The following ATP8B4 variants were observed in gnomAD, a reference collection of about 807,000 sequenced individuals.
ATP8B4 encodes ATPase phospholipid transporting 8B4 (putative), also known as probable phospholipid-transporting ATPase IM.
ATP8B4 carries 133 observed loss-of-function variants against 145.6 expected under a neutral mutation model. That is an observed-to-expected ratio of 0.91 (90% CI 0.79 to 1.05). The LOEUF is 1.05. Among genes scored for constraint, ATP8B4 ranks in the 50% least tolerant of loss-of-function variants. The pLI, the probability that ATP8B4 is intolerant of heterozygous loss-of-function variation, is 0.00. For synonymous variants in ATP8B4, 507 were observed against 492.9 expected, an observed-to-expected ratio of 1.03 and a Z score of -0.38; for missense variants, 1,458 against 1,425.2, an observed-to-expected ratio of 1.02 and a Z score of -0.37.
At chr15:50,014,375 A>G (rs1218719435) in intron 6 of ATP8B4, among the ~76,000 whole-genome samples, 1 of 152,180 alleles carries the variant, frequency 6.6e-6, no homozygotes, top group Non-Finnish European at 1.5e-5. Flanking sequence ...CCTAGTTCAC[A>G]GCAGGCACTC....
At chr15:50,070,733 GT>G (rs1489927450) in intron 3 of ATP8B4, among the ~76,000 whole-genome samples, 4 of 151,884 alleles carry the variant, frequency 2.6e-5, no homozygotes, top group African/African-American at 9.7e-5. Flanking sequence ...TTTGTGTTGT[GT>G]TTTGTTTTGT....
chr15:50,085,884 T>C (rs1231365525), intron 2 of ATP8B4, among the ~76,000 whole-genome samples: 1 of 83,524 alleles, frequency 1.2e-5, no homozygotes, highest in Non-Finnish European at 2.5e-5. Flanking sequence ...TATTTATATA[T>C]TTATATATGA....
At chr15:50,162,238 C>T (rs1256904863) in intron 1 of ATP8B4, among the ~76,000 whole-genome samples, 2 of 151,836 alleles carry the variant, frequency 1.3e-5, no homozygotes, top group Non-Finnish European at 2.9e-5. Context: ...CTGATTATTA[C>T]ATGCCTTGAG....
chr15:49,918,897 T>G lies in ATP8B4; in HGVS notation c.1977A>C (p.Thr659=). The G allele has an allele frequency of 6.2e-7, 1 of 1,613,878 alleles. No homozygotes were observed. Among genetic ancestry groups the G allele is most frequent in the Non-Finnish European group, 8.5e-7 (1 of 1,179,820 alleles). Residue 659 remains threonine (T), a synonymous_variant, in exon 19 of 28, where the codon ACA becomes ACC. Transcript: ENST00000284509. Reference sequence around the variant, plus strand: ...TATTGGCTAGTGATAAACTTGTAACTGTTTCAATAACACCCTCCTGTAACT... The same window carrying G: ...TATTGGCTAGTGATAAACTTGTAACGGTTTCAATAACACCCTCCTGTAACT... ...EDKLQEGVIE[T]VTSLSLANIK...
intron 6 of ATP8B4, among the ~76,000 whole-genome samples, chr15:50,017,386 C>T (rs989653573): frequency 6.6e-6 from 1 of 152,006 alleles, no homozygotes; most frequent in Non-Finnish European, 1.5e-5. Flanking sequence ...CACCTTAGCC[C>T]AAGTAGATCA....
intron 6 of ATP8B4, among the ~76,000 whole-genome samples, chr15:50,018,410 G>C (rs2049268283): frequency 6.6e-6 from 1 of 152,186 alleles, no homozygotes; most frequent in Non-Finnish European, 1.5e-5. Context: ...CTGAGTGTCA[G>C]AGCTGCAAGT....
At chr15:50,012,573 T>C (rs990446919) in intron 6 of ATP8B4, among the ~76,000 whole-genome samples, 1 of 152,132 alleles carries the variant, frequency 6.6e-6, no homozygotes, top group South Asian at 2.1e-4. Flanking sequence ...TTCAGGTTTG[T>C]GGACAGAACC....
chr15:50,148,564 C>A (rs1051336711), intron 1 of ATP8B4, among the ~76,000 whole-genome samples: 1 of 152,158 alleles, frequency 6.6e-6, no homozygotes, highest in Non-Finnish European at 1.5e-5. Context: ...CGTGAGGACA[C>A]AGCATTCCTT....
intron 1 of ATP8B4, among the ~76,000 whole-genome samples, chr15:50,138,466 T>C (rs74015209): frequency 0.052 from 7,923 of 151,618 alleles, 720 homozygotes; most frequent in African/African-American, 0.18. Context: ...GATAGACAGA[T>C]AGATAGACAG....
chr15:50,181,350 C>T (rs2044844605), intron 1 of ATP8B4, among the ~76,000 whole-genome samples: 2 of 152,176 alleles, frequency 1.3e-5, no homozygotes, highest in South Asian at 4.1e-4. Flanking sequence ...TTCACATTTC[C>T]TCTAAAAGAA....
intron 2 of ATP8B4, among the ~76,000 whole-genome samples, chr15:50,094,688 ATGTGTGTGTGTATATATATACTAC>A (rs2055847394): frequency 7.3e-6 from 1 of 136,392 alleles, no homozygotes; most frequent in East Asian, 2.0e-4. Context: ...ATTTGTATAT[ATGTGTGTGTGTATATATATACTAC>A]TATATATATA....
chr15:50,089,268 G>A (rs867206870), intron 2 of ATP8B4, among the ~76,000 whole-genome samples: 4 of 151,984 alleles, frequency 2.6e-5, no homozygotes, highest in African/African-American at 4.8e-5. Context: ...AAAAGTAAAA[G>A]TTGACAAATG....
At chr15:50,144,356 A>C (rs943251862) in intron 1 of ATP8B4, among the ~76,000 whole-genome samples, 4 of 152,214 alleles carry the variant, frequency 2.6e-5, no homozygotes, top group African/African-American at 9.6e-5. Flanking sequence ...GCTGTAAAGA[A>C]ATACCTGAGA....
intron 14 of ATP8B4, among the ~76,000 whole-genome samples, chr15:49,956,139 A>G (rs2043538918): frequency 6.6e-6 from 1 of 152,196 alleles, no homozygotes; most frequent in African/African-American, 2.4e-5. Flanking sequence ...TTAAAAGTTT[A>G]TGACTCAAGT....
rs567790098 is a variant in ATP8B4 at position 50,054,884 on chromosome 15, A to G, written c.88-7420T>C. On this transcript the variant is annotated intron_variant, in intron 3 of 27. Coordinates refer to ENST00000284509, the MANE Select transcript of ATP8B4 (RefSeq NM_024837.4). Reference sequence around the variant, plus strand: ...CGACACATGTAATATTCCTTTGACTATTTCCTCTCCCCATCAGCTAAACAA... The same window carrying G: ...CGACACATGTAATATTCCTTTGACTGTTTCCTCTCCCCATCAGCTAAACAA... Among the ~76,000 whole-genome samples, 7 of 150,268 alleles carry G rather than the reference A, an allele frequency of 4.7e-5. No homozygotes were observed. In the East Asian group the frequency reaches 1.4e-3, roughly 30 times the overall value.
chr15:50,025,249 G>A (rs1000493747), intron 6 of ATP8B4, among the ~76,000 whole-genome samples: 4 of 152,168 alleles, frequency 2.6e-5, no homozygotes, highest in African/African-American at 9.7e-5. Context: ...TTCTTCCCAT[G>A]CAGCAGGTAT....
At chr15:49,898,945 A>AT (rs201608867) in intron 21 of ATP8B4, among the ~76,000 whole-genome samples, 31 of 152,044 alleles carry the variant, frequency 2.0e-4, no homozygotes, top group Middle Eastern at 3.4e-3. Context: ...TAACTGTGCA[A>AT]TTTTTTTTTC....
intron 20 of ATP8B4, among the ~76,000 whole-genome samples, chr15:49,910,712 C>T (rs898167751): frequency 1.4e-4 from 22 of 152,266 alleles, no homozygotes; most frequent in Non-Finnish European, 2.6e-4. Flanking sequence ...TGCTGAAAGA[C>T]AGTATCTGGA....
At chr15:50,047,122 G>T (rs574276339) in intron 4 of ATP8B4, among the ~76,000 whole-genome samples, 1 of 152,256 alleles carries the variant, frequency 6.6e-6, no homozygotes, top group South Asian at 2.1e-4. Flanking sequence ...AAAGTGCAAG[G>T]CTGTGTTTTA....
Sources: gnomAD v4.1 joint callset for allele counts (sites outside exome capture counted in the v4.1 genomes callset) on GRCh38, gnomAD v4.1.1 for gene constraint, MANE v1.5 for transcripts, NCBI Gene and HGNC (gene_info 2026-07-23, HGNC 2026-07-21) for gene names.